The following TMEM39B variants were observed in gnomAD, a reference collection of about 807,000 sequenced individuals.
The protein encoded by TMEM39B is transmembrane protein 39B.
Under a neutral mutation model 52.2 loss-of-function variants are expected in TMEM39B, and 23 were observed. The ratio of observed to expected loss-of-function variants is 0.44; its 90% CI spans 0.32 to 0.62. The LOEUF (loss-of-function observed/expected upper bound fraction) is 0.62, where lower values mean the gene tolerates loss of function less well. TMEM39B is among the 20% of genes least tolerant of loss of function. The probability of loss-of-function intolerance (pLI) is 0.06; values close to 1 mark genes in which losing one functional copy is unlikely to be tolerated. For synonymous variants in TMEM39B, 285 were observed against 264.0 expected (o/e 1.08, Z -0.77); for missense variants, 547 against 642.0 (o/e 0.85, Z 1.60).
In TMEM39B at chr1:32,078,484, TA is replaced by T. The variant is rs965360433; in HGVS notation, c.590+1178del. ...AGCAACTGGAGTGAGGTCCTGTCTT[TA>T]AAAAAAAAAAACATTATAATGTCTT... is the stretch of plus-strand genomic sequence containing the variant. On this transcript the variant is annotated intron_variant, in intron 5 of 8. Coordinates refer to ENST00000336294, the MANE Select transcript of TMEM39B (RefSeq NM_018056.4). Among the ~76,000 whole-genome samples the T allele has an allele frequency of 1.8e-3, 262 of 143,800 alleles. 3 individuals carry two copies. Among genetic ancestry groups the T allele is most frequent in the African/African-American group, 5.0e-3 (198 of 39,480 alleles). 94.3% of individuals were successfully genotyped at this position (143,800 alleles called of 152,430 possible).
intron 5 of TMEM39B, among the ~76,000 whole-genome samples, chr1:32,088,445 CT>C (rs1640466078): frequency 6.6e-6 from 1 of 151,972 alleles, no homozygotes; most frequent in Non-Finnish European, 1.5e-5. Flanking sequence ...AATTATGTGA[CT>C]CATCTTTCTG....
intron 5 of TMEM39B, among the ~76,000 whole-genome samples, chr1:32,086,515 C>G (rs1170459441): frequency 6.6e-6 from 1 of 152,160 alleles, no homozygotes; most frequent in African/African-American, 2.4e-5. Flanking sequence ...GCCTGTAATC[C>G]CAGCACTTTG....
At chr1:32,088,745 CT>C (rs1012513578) in intron 5 of TMEM39B, among the ~76,000 whole-genome samples, 1 of 152,128 alleles carries the variant, frequency 6.6e-6, no homozygotes, top group Admixed American at 6.6e-5. Context: ...TGCAGTCCTT[CT>C]TAGAGACAAA....
intron 5 of TMEM39B, 125 bp from the exon 6 acceptor site, chr1:32,091,550 A>G (rs1353457753): frequency 1.8e-6 from 2 of 1,088,236 alleles, no homozygotes; most frequent in African/African-American, 1.6e-5. Flanking sequence ...AAGGACTGGT[A>G]AATTCTCCCC....
intron 6 of TMEM39B, among the ~76,000 whole-genome samples, chr1:32,093,607 T>G (rs1016572558): frequency 6.6e-6 from 1 of 150,972 alleles, no homozygotes; most frequent in African/African-American, 2.4e-5. Flanking sequence ...AGACGGGGTT[T>G]CGCTATATTG....
upstream of TMEM39B, chr1:32,072,825 G>C (rs368104493): frequency 2.9e-5 from 16 of 555,126 alleles, no homozygotes; most frequent in East Asian, 5.5e-4. Flanking sequence ...GGGGGACCGA[G>C]AGACAAAGAG....
At chr1:32,076,524 G>A in intron 3 of TMEM39B, 1 of 661,646 alleles carries the variant, frequency 1.5e-6, no homozygotes, top group South Asian at 1.5e-5. Context: ...GCATGTGTGA[G>A]CAGAGCAAGA....
At chr1:32,094,166 GC>G (rs1428369729) in intron 6 of TMEM39B, among the ~76,000 whole-genome samples, 13 of 101,248 alleles carry the variant, frequency 1.3e-4, no homozygotes, top group Non-Finnish European at 2.3e-4. Flanking sequence ...TTGCTCTGTT[GC>G]CCAGGCTGGA....
intron 2 of TMEM39B, 28 bp downstream of exon 2, chr1:32,075,105 A>G: frequency 6.5e-7 from 1 of 1,539,182 alleles, no homozygotes; most frequent in Non-Finnish European, 8.8e-7. Flanking sequence ...CTCACCCCTC[A>G]CTGTGGCCTC....
rs72878678 is a variant in TMEM39B, at chr1:32,100,748, G to A, written c.1236+186G>A. 8.8e-3 allele frequency: 6,687 copies of A among 756,708 alleles called. 304 individuals carry two copies. In the African/African-American group the frequency reaches 0.1, roughly 11 times the overall value. 46.9% of individuals were successfully genotyped at this position (756,708 alleles called of 1,614,324 possible). Reference sequence around the variant, plus strand: ...GTCACTTAATAACTGCAGCTCGGCCGGGCATGGTGGCTCACGCCTGTAATC... The same window carrying A: ...GTCACTTAATAACTGCAGCTCGGCCAGGCATGGTGGCTCACGCCTGTAATC... On this transcript the variant is annotated intron_variant, in intron 8 of 8. Transcript: ENST00000336294.
intron 8 of TMEM39B, among the ~76,000 whole-genome samples, chr1:32,102,210 AT>A (rs1488078675): frequency 6.6e-6 from 1 of 152,114 alleles, no homozygotes; most frequent in Non-Finnish European, 1.5e-5. Flanking sequence ...AGGATCTTAG[AT>A]GACTTACATC....
chr1:32,092,783 A>G (rs1477646778), intron 6 of TMEM39B, among the ~76,000 whole-genome samples: 1 of 151,216 alleles, frequency 6.6e-6, no homozygotes, highest in Admixed American at 6.6e-5. Flanking sequence ...GAGCCACCAC[A>G]CCCCAGCCTG....
At chr1:32,090,071 T>G (rs758932698) in intron 5 of TMEM39B, among the ~76,000 whole-genome samples, 5 of 151,734 alleles carry the variant, frequency 3.3e-5, no homozygotes, top group Non-Finnish European at 7.4e-5. Context: ...CAGCCCTAAC[T>G]CCTGGGGGCA....
At chr1:32,081,741 C>G (rs1170801419) in intron 5 of TMEM39B, among the ~76,000 whole-genome samples, 2 of 151,890 alleles carry the variant, frequency 1.3e-5, no homozygotes, top group Non-Finnish European at 2.9e-5. Context: ...GAGTGAGACT[C>G]TGTCTCAAAA....
intron 2 of TMEM39B, 131 bp from the exon 3 acceptor site, chr1:32,075,472 G>T: frequency 1.1e-6 from 1 of 921,080 alleles, no homozygotes. Flanking sequence ...TGTCTGACAA[G>T]CAGGATTAGG....
At chr1:32,091,634 C>T in intron 5 of TMEM39B, 41 bp from the exon 6 acceptor site, 4 of 1,548,484 alleles carry the variant, frequency 2.6e-6, no homozygotes, top group Non-Finnish European at 3.5e-6. Flanking sequence ...GGGATCCTGG[C>T]CCATGGGCAG....
At chr1:32,096,947 G>T (rs1640832406) in intron 7 of TMEM39B, among the ~76,000 whole-genome samples, 1 of 152,072 alleles carries the variant, frequency 6.6e-6, no homozygotes, top group Non-Finnish European at 1.5e-5. Context: ...GGGATTACAG[G>T]CGCATGCCAC....
At chr1:32,072,418 T>G (rs1315169593), upstream of TMEM39B, 1 of 152,268 alleles carries the variant, frequency 6.6e-6, no homozygotes, top group Non-Finnish European at 1.5e-5. Context: ...GAAATGGCAG[T>G]CAGGATCTGA....
chr1:32,091,757 C>T lies in TMEM39B; in HGVS notation c.673C>T (p.Pro225Ser), dbSNP rs1324618435. ...CTTCAACCACATGGCCTCCATGGGG[C>T]CCCGGGAGGCGGTCAGTGGCCTGGC... is the stretch of plus-strand genomic sequence containing the variant. The part of the protein sequence containing the change: ...SLFNHMASMG[P>S]REAVSGLAKS... The change falls in exon 6 of 9, where the codon CCC (proline) becomes TCC (serine). Residue 225 changes from proline to serine, a missense_variant. Pro to Ser is a moderately conservative substitution (Grantham distance 74). Transcript: ENST00000336294. 1 of 1,614,074 alleles carries T rather than the reference C, an allele frequency of 6.2e-7. No individual in the cohort carries two copies. Among genetic ancestry groups the T allele is most frequent in the African/African-American group, 1.3e-5 (1 of 74,948 alleles).
Sources: allele counts gnomAD v4.1 joint callset (sites outside exome capture counted in the v4.1 genomes callset), GRCh38; gene constraint gnomAD v4.1.1; transcripts MANE v1.5; gene names NCBI Gene and HGNC (gene_info 2026-07-23, HGNC 2026-07-21).